Variants in ABLIM2 observed in about 807,000 individuals in gnomAD.
ABLIM2 encodes the protein actin binding LIM protein family member 2, also known as actin-binding LIM protein 2.
A neutral mutation model predicts 97.7 loss-of-function variants in ABLIM2; 53 were observed. The ratio of observed to expected loss-of-function variants is 0.54; its 90% CI spans 0.44 to 0.68. ABLIM2 has a LOEUF of 0.68. Ranked by LOEUF, ABLIM2 falls within the 30% of genes least tolerant of loss-of-function variation. The pLI is 0.00. For synonymous variants in ABLIM2, 361 were observed against 345.8 expected (o/e 1.04, Z -0.49); for missense variants, 835 against 867.2 (o/e 0.96, Z 0.47).
Position 8,067,342 on chromosome 4 carries a change from G to A in ABLIM2, c.676-6288C>T, listed in dbSNP as rs1808614146. ...AAAAGGAAGGGTCGCAGAGCTCCTA[G>A]TGAGCTGGGGGCAGAGACGGAAGCC... On this transcript the variant is annotated intron_variant, in intron 6 of 20. Transcript: ENST00000447017. This position sits in a 1 kb window ranked among gnomAD's most constrained non-coding sequence, Gnocchi z 5.4. The A allele has an allele frequency of 6.6e-6, 1 of 152,432 alleles. No homozygotes were observed. Among genetic ancestry groups the A allele is most frequent in the Non-Finnish European group, 1.5e-5 (1 of 68,198 alleles). 9.4% of individuals were successfully genotyped at this position (152,432 alleles called of 1,614,324 possible).
intron 6 of ABLIM2, among the ~76,000 whole-genome samples, chr4:8,070,592 G>A (rs965494802): frequency 6.6e-6 from 1 of 152,130 alleles, no homozygotes; most frequent in African/African-American, 2.4e-5. Context: ...TCCCGCAATT[G>A]CAAGAATGAT....
In ABLIM2 at chr4:8,095,056, C is replaced by A. The variant is rs1313443169; in HGVS notation, c.338+2043G>T. On this transcript the variant is annotated intron_variant, in intron 3 of 20. Coordinates refer to ENST00000447017, the MANE Select transcript of ABLIM2 (RefSeq NM_001130083.2). This position sits in a 1 kb window ranked among gnomAD's most constrained non-coding sequence, Gnocchi z 4.7. ...TCTTTCCTTCCTTCCTTCTTTCTTT[C>A]TTTCTCTTTCTTTCTTTCTCTCTCT... Among the ~76,000 whole-genome samples the A allele has an allele frequency of 5.1e-5, 7 of 137,970 alleles. No individual in the cohort carries two copies. The highest frequency in any genetic ancestry group is 1.1e-4 in the Non-Finnish European group (7 of 62,902). 90.5% of individuals were successfully genotyped at this position (137,970 alleles called of 152,430 possible).
At chr4:8,055,765 T>G (rs1004865455) in intron 7 of ABLIM2, among the ~76,000 whole-genome samples, 2 of 152,160 alleles carry the variant, frequency 1.3e-5, no homozygotes, top group African/African-American at 4.8e-5. Flanking sequence ...TACATGTGTG[T>G]GTGAGTGCAT....
chr4:8,034,531 T>G (rs1421883559), intron 10 of ABLIM2, among the ~76,000 whole-genome samples: 1 of 24,486 alleles, frequency 4.1e-5, no homozygotes, highest in Non-Finnish European at 7.6e-5. Flanking sequence ...GGGTGGGTGG[T>G]AGGTAGGTGG....
intron 10 of ABLIM2, among the ~76,000 whole-genome samples, chr4:8,035,473 G>T (rs758096147): frequency 5.3e-5 from 8 of 152,214 alleles, no homozygotes; most frequent in Admixed American, 3.9e-4. Flanking sequence ...CTGGCGGCAC[G>T]CATGTCAAGA....
rs1754276655 is a variant in ABLIM2 at position 7,997,708 on chromosome 4, G to A, written c.1619-4781C>T. Among the ~76,000 whole-genome samples, 3 of 152,122 alleles carry A rather than the reference G, an allele frequency of 2.0e-5. No individual in the cohort carries two copies. In the South Asian group the frequency reaches 6.2e-4, roughly 32 times the overall value. ...CTCCTGCTGCTGCTGGGTGGGAGAT[G>A]TGGGGTTGCTGCGTATTTCCCCGAG... On this transcript the variant is annotated intron_variant, in intron 16 of 20. Transcript: ENST00000447017.
chr4:8,129,839 A>T (rs186174799), intron 1 of ABLIM2, among the ~76,000 whole-genome samples: 1 of 152,226 alleles, frequency 6.6e-6, no homozygotes, highest in African/African-American at 2.4e-5. Flanking sequence ...CCTCCCCGCC[A>T]TTGTACGGAT....
intron 4 of ABLIM2, among the ~76,000 whole-genome samples, chr4:8,086,043 G>C (rs79281344): frequency 0.037 from 5,698 of 152,236 alleles, 339 homozygotes; most frequent in African/African-American, 0.13. Context: ...AAGGAGGCTG[G>C]ACTGGGAAGA....
chr4:8,118,017 A>C (rs1843549418), intron 1 of ABLIM2, among the ~76,000 whole-genome samples: 1 of 152,210 alleles, frequency 6.6e-6, no homozygotes, highest in Admixed American at 6.5e-5. Context: ...GGTGATTTTC[A>C]GAGGCCTGTG....
intron 8 of ABLIM2, among the ~76,000 whole-genome samples, chr4:8,050,341 G>C (rs981955610): frequency 2.0e-5 from 3 of 152,186 alleles, no homozygotes; most frequent in African/African-American, 7.2e-5. Flanking sequence ...GCAGCCATGC[G>C]ATCAGGGCCA....
In ABLIM2 at chr4:8,095,342, G is replaced by T. The variant is rs1830996936; in HGVS notation, c.338+1757C>A. ...TGATCTTGAACTCCCAGCCTCAAGT[G>T]ATCCTCGCACCTCGGCCTCCCAAAG... On this transcript the variant is annotated intron_variant, in intron 3 of 20. Transcript: ENST00000447017. This position sits in a 1 kb window ranked among gnomAD's most constrained non-coding sequence, Gnocchi z 4.7. Among the ~76,000 whole-genome samples the T allele has an allele frequency of 6.6e-6, 1 of 152,152 alleles. No individual in the cohort carries two copies. The highest frequency in any genetic ancestry group is 2.4e-5 in the African/African-American group (1 of 41,410).
rs765546426 is a variant in ABLIM2 at position 8,140,960 on chromosome 4, C to T, written c.10+17720G>A. On this transcript the variant is annotated intron_variant, in intron 1 of 20. Coordinates refer to ENST00000447017, the MANE Select transcript of ABLIM2 (RefSeq NM_001130083.2). The surrounding 1 kb of genome is among the most constrained non-coding windows in gnomAD (Gnocchi z 5.9). ...TTAAAATCCACGGTAAAGCCTGCAGCTGTGGGCTGGTCTCCAAGGCCACTG... is the reference window on the plus strand; with the variant it reads ...TTAAAATCCACGGTAAAGCCTGCAGTTGTGGGCTGGTCTCCAAGGCCACTG... Among the ~76,000 whole-genome samples, 42 of 152,168 alleles carry T rather than the reference C, an allele frequency of 2.8e-4. No homozygotes were observed. Among genetic ancestry groups the T allele is most frequent in the South Asian group, 6.2e-4 (3 of 4,828 alleles).
rs543704858 is a variant in ABLIM2 at position 8,117,164 on chromosome 4, C to G, written c.11-10527G>C. Among the ~76,000 whole-genome samples, 4 of 152,330 alleles carry G rather than the reference C, an allele frequency of 2.6e-5. No homozygotes were observed. The South Asian group carries it at 8.3e-4, about 32-fold the overall frequency. ...GTGACCTTGCCTGGAATCTTCACAG[C>G]CACTCTTGGAGGTAGATATTCTTTT... On this transcript the variant is annotated intron_variant, in intron 1 of 20. Transcript: ENST00000447017.
chr4:7,979,620 T>A lies in ABLIM2; in HGVS notation c.1824+3644A>T, dbSNP rs114994211. ...ACCTACATTGTTTTGTAAAACGTTG[T>A]AAATGACCAAAGGGCACCAGAGAAG... On this transcript the variant is annotated intron_variant, in intron 20 of 20. Transcript: ENST00000447017. 6.4e-3 allele frequency among the ~76,000 whole-genome samples: 977 copies of A among 152,378 alleles called. 6 individuals carry two copies. Among genetic ancestry groups the A allele is most frequent in the African/African-American group, 0.022 (928 of 41,592 alleles).
Position 8,046,257 on chromosome 4 carries a change from C to T in ABLIM2, c.823-1016G>A, listed in dbSNP as rs550262406. Among the ~76,000 whole-genome samples, 25 of 152,248 alleles carry T rather than the reference C, an allele frequency of 1.6e-4. No homozygotes were observed. In the East Asian group the frequency reaches 1.7e-3, roughly 11 times the overall value. ...CCCACCTCAGCCCCCTCCAGCCCTG[C>T]GGACACACTCCTTCTGTGGTCCCCA... On this transcript the variant is annotated intron_variant, in intron 8 of 20. Coordinates refer to ENST00000447017, the MANE Select transcript of ABLIM2 (RefSeq NM_001130083.2). The surrounding 1 kb of genome is among the most constrained non-coding windows in gnomAD (Gnocchi z 4.4).
intron 1 of ABLIM2, among the ~76,000 whole-genome samples, chr4:8,119,320 C>CCTT (rs1229876088): frequency 7.1e-6 from 1 of 141,840 alleles, no homozygotes; most frequent in Non-Finnish European, 1.5e-5. Context: ...TCTCGGGCTT[C>CCTT]CTTCTTTTTT....
intron 3 of ABLIM2, among the ~76,000 whole-genome samples, chr4:8,091,907 A>G (rs1256906042): frequency 8.1e-6 from 1 of 122,854 alleles, no homozygotes; most frequent in Non-Finnish European, 1.6e-5. Context: ...TATATATAAT[A>G]TATTGTTATA....
Position 8,033,926 on chromosome 4 carries a change from G to A in ABLIM2, c.1047+2223C>T, listed in dbSNP as rs1415462386. Among the ~76,000 whole-genome samples the A allele has an allele frequency of 1.3e-5, 2 of 152,310 alleles. No homozygotes were observed. The highest frequency in any genetic ancestry group is 4.1e-4 in the South Asian group (2 of 4,830). On this transcript the variant is annotated intron_variant, in intron 10 of 20. Coordinates refer to ENST00000447017, the MANE Select transcript of ABLIM2 (RefSeq NM_001130083.2). This position sits in a 1 kb window ranked among gnomAD's most constrained non-coding sequence, Gnocchi z 4.5. ...TCACCTCTGCATGTGGCCCTTCATG[G>A]CCACAGAGCCCTCCCACAGGGACAC...
rs898814239 is a variant in ABLIM2, at chr4:7,970,386, G to A, written c.1825-3283C>T. On this transcript the variant is annotated intron_variant, in intron 20 of 20. Transcript: ENST00000447017. The surrounding 1 kb of genome is among the most constrained non-coding windows in gnomAD (Gnocchi z 5.3). ...GGGGGTGGTGTGCCCCCTGCCATCT[G>A]CAATCGTGTACTTAAAGGGAGGAGG... 6.6e-6 allele frequency among the ~76,000 whole-genome samples: 1 copy of A among 152,090 alleles called. No individual in the cohort carries two copies. The highest frequency in any genetic ancestry group is 2.4e-5 in the African/African-American group (1 of 41,442).
Sources: gnomAD v4.1 joint callset for allele counts (sites outside exome capture counted in the v4.1 genomes callset) on GRCh38, gnomAD v4.1.1 for gene constraint, Gnocchi (gnomAD v3.1) non-coding constraint, MANE v1.5 for transcripts, NCBI Gene and HGNC (gene_info 2026-07-23, HGNC 2026-07-21) for gene names.